Variants in KLF13 observed in about 807,000 individuals in gnomAD.
The protein encoded by KLF13 is Krueppel-like factor 13.
In KLF13, 8 loss-of-function variants were observed where a neutral mutation model predicts 16.7. The ratio of observed to expected loss-of-function variants is 0.48; its 90% CI spans 0.28 to 0.87. KLF13 has a LOEUF of 0.87. Ranked by LOEUF, KLF13 falls within the 40% of genes least tolerant of loss-of-function variation. KLF13 has a pLI of 0.10. For synonymous variants in KLF13, 245 were observed against 208.4 expected (o/e 1.18, Z -1.51); for missense variants, 447 against 452.2 (o/e 0.99, Z 0.10).
chr15:31,340,692 G>A (rs2039007436), intron 1 of KLF13, among the ~76,000 whole-genome samples: 2 of 152,092 alleles, frequency 1.3e-5, no homozygotes, highest in Admixed American at 6.5e-5. Flanking sequence ...CCAGAAGTTC[G>A]AGACCAGCTT....
At chr15:31,338,620 GACCCTGGAGCCAAGCCAGAGGGTGTGT>G (rs1404489121) in intron 1 of KLF13, among the ~76,000 whole-genome samples, 1 of 152,122 alleles carries the variant, frequency 6.6e-6, no homozygotes, top group Non-Finnish European at 1.5e-5. Context: ...TGGAGGGTGG[GACCCTGGAGCCAAGCCAGAGGGTGTGT>G]ACCCTTGGTC....
At chr15:31,357,305 C>T (rs1478993711) in intron 1 of KLF13, among the ~76,000 whole-genome samples, 1 of 152,222 alleles carries the variant, frequency 6.6e-6, no homozygotes, top group African/African-American at 2.4e-5. Flanking sequence ...TCTGCTCCCT[C>T]CACATCACCT....
chr15:31,355,199 G>A (rs912727126), intron 1 of KLF13, among the ~76,000 whole-genome samples: 5 of 152,210 alleles, frequency 3.3e-5, no homozygotes, highest in African/African-American at 1.2e-4. Flanking sequence ...AGGTGAGGAA[G>A]AGGCCAGGTG....
chr15:31,332,436 T>C (rs2038849061), intron 1 of KLF13, among the ~76,000 whole-genome samples: 1 of 152,210 alleles, frequency 6.6e-6, no homozygotes, highest in Non-Finnish European at 1.5e-5. Context: ...TTACAGAGAT[T>C]GGAAAGTGTG....
In KLF13 at chr15:31,327,080, A is replaced by C. The variant is rs2038721548; in HGVS notation, c.-133A>C. 7 of 664,518 alleles carry C rather than the reference A, an allele frequency of 1.1e-5. No individual in the cohort carries two copies. Among genetic ancestry groups the C allele is most frequent in the East Asian group, 6.4e-5 (1 of 15,578 alleles). The allele number at this position is 664,518 out of a possible 1,614,324, so 41.2% of individuals were successfully genotyped here. On this transcript the variant is annotated 5_prime_UTR_variant, in exon 1 of 2. Transcript: ENST00000307145. ...TGACGGCACAGGCGGCTGCGCGCCC[A>C]GCCCAGCCCAGCCCAGCCCGAGGAG...
rs115624520 is a variant in KLF13 at position 31,371,968 on chromosome 15, G to A, written c.578-42G>A. 2.2e-3 allele frequency: 3,375 copies of A among 1,545,734 alleles called. 55 individuals are homozygous for A. In the African/African-American group the frequency reaches 0.04, roughly 18 times the overall value. On this transcript the variant is annotated intron_variant, in intron 1 of 1. Transcript: ENST00000307145. ...CTTCCCCAGAGAGGGTGTGAAGGCGGGGCCAGGTGCGGATACTGATGCTCT... is the reference window on the plus strand; with the variant it reads ...CTTCCCCAGAGAGGGTGTGAAGGCGAGGCCAGGTGCGGATACTGATGCTCT...
intron 1 of KLF13, among the ~76,000 whole-genome samples, chr15:31,350,859 G>A (rs2039205042): frequency 6.6e-6 from 1 of 152,242 alleles, no homozygotes; most frequent in Non-Finnish European, 1.5e-5. Context: ...GGCACTCTTC[G>A]CCCAGGCGCC....
intron 1 of KLF13, among the ~76,000 whole-genome samples, chr15:31,424,758 T>C (rs2040381415): frequency 6.6e-6 from 1 of 152,076 alleles, no homozygotes; most frequent in Admixed American, 6.6e-5. Flanking sequence ...AACATAGTAA[T>C]GGAAGTTCAG....
At chr15:31,370,710 C>T (rs942502853) in intron 1 of KLF13, among the ~76,000 whole-genome samples, 48 of 152,296 alleles carry the variant, frequency 3.2e-4, no homozygotes, top group African/African-American at 1.1e-3. Context: ...TGAGCCACCG[C>T]GCCTGGCCGT....
chr15:31,334,171 A>G (rs939469778), intron 1 of KLF13, among the ~76,000 whole-genome samples: 10 of 152,234 alleles, frequency 6.6e-5, no homozygotes, highest in Admixed American at 5.2e-4. Context: ...CCCCAAACAG[A>G]CAAGACACCC....
In KLF13 at chr15:31,377,559, G is replaced by C. The variant is rs574360075; in HGVS notation, c.*5260G>C. 1.3e-5 allele frequency: 2 copies of C among 152,738 alleles called. No homozygotes were observed. The highest frequency in any genetic ancestry group is 4.1e-4 in the South Asian group (2 of 4,822). The allele number at this position is 152,738 out of a possible 1,614,324, so 9.5% of individuals were successfully genotyped here. On this transcript the variant is annotated 3_prime_UTR_variant, in exon 2 of 2. Coordinates refer to ENST00000307145, the MANE Select transcript of KLF13 (RefSeq NM_015995.4). ...GCTTCTCTGGAATCATTTGCCAAAAGCCCAAGGCAGAATCCAAGGGTCCAA... is the reference window on the plus strand; with the variant it reads ...GCTTCTCTGGAATCATTTGCCAAAACCCCAAGGCAGAATCCAAGGGTCCAA...
At chr15:31,333,624 CCT>C (rs2038873667) in intron 1 of KLF13, among the ~76,000 whole-genome samples, 1 of 151,956 alleles carries the variant, frequency 6.6e-6, no homozygotes. Flanking sequence ...TTCCATCTCG[CCT>C]CTCTCTTTAA....
chr15:31,380,305 A>G (rs1157106269), downstream of KLF13, among the ~76,000 whole-genome samples: 3 of 152,142 alleles, frequency 2.0e-5, no homozygotes, highest in Non-Finnish European at 2.9e-5. Flanking sequence ...AAACAAATAA[A>G]TTAATAAAGA....
rs545000336 is a variant in KLF13, at chr15:31,383,717, G to A, written n.224-51653G>A. On this transcript the variant is annotated intron_variant and non_coding_transcript_variant, in intron 1 of 1. Coordinates refer to the KLF13 transcript ENST00000558921. ...AGATCGAGACCATCCTGGCTAACAC[G>A]GTGAAACCCCGTTTCTACTAAAAAT... 2.7e-4 allele frequency among the ~76,000 whole-genome samples: 41 copies of A among 152,076 alleles called. 1 individual carries two copies. The highest frequency in any genetic ancestry group is 6.6e-4 in the Admixed American group (10 of 15,190).
downstream of KLF13, among the ~76,000 whole-genome samples, chr15:31,381,150 C>T (rs376650483): frequency 2.4e-5 from 3 of 126,818 alleles, no homozygotes; most frequent in Non-Finnish European, 3.2e-5. Context: ...CCTGCCTGGG[C>T]GACAGTGCAA....
At chr15:31,369,557 A>G (rs1225032953) in intron 1 of KLF13, among the ~76,000 whole-genome samples, 1 of 152,156 alleles carries the variant, frequency 6.6e-6, no homozygotes, top group African/African-American at 2.4e-5. Context: ...CTTTTAAACA[A>G]AGAAGAGTGG....
At chr15:31,355,551 C>T (rs2039286845) in intron 1 of KLF13, among the ~76,000 whole-genome samples, 1 of 152,152 alleles carries the variant, frequency 6.6e-6, no homozygotes, top group Non-Finnish European at 1.5e-5. Flanking sequence ...TTACCTTTCC[C>T]AGCTCGATAA....
chr15:31,418,330 A>G (rs2040281027), intron 1 of KLF13, among the ~76,000 whole-genome samples: 1 of 152,208 alleles, frequency 6.6e-6, no homozygotes, highest in Admixed American at 6.5e-5. Flanking sequence ...GAAATCAGAG[A>G]AAAAGTATAT....
exon 2 of KLF13, chr15:31,435,652 G>C (rs771983731): frequency 2.0e-5 from 3 of 152,192 alleles, no homozygotes; most frequent in Non-Finnish European, 4.4e-5. Flanking sequence ...CAGAATAAAA[G>C]AGAGTTGCTC....
Sources: gnomAD v4.1 joint callset for allele counts (sites outside exome capture counted in the v4.1 genomes callset) on GRCh38, gnomAD v4.1.1 for gene constraint, MANE v1.5 for transcripts, NCBI Gene and HGNC (gene_info 2026-07-23, HGNC 2026-07-21) for gene names.